Variants in DCC observed in about 807,000 individuals in gnomAD.
DCC encodes DCC netrin 1 receptor, also known as netrin receptor DCC.
Under a neutral mutation model 172.5 loss-of-function variants are expected in DCC, and 58 were observed. The observed-to-expected ratio is 0.34, with a 90% CI of 0.27 to 0.42. The LOEUF is 0.42. Among genes scored for constraint, DCC ranks in the 10% least tolerant of loss-of-function variants. The probability of loss-of-function intolerance (pLI) is 1.00; values close to 1 mark genes in which losing one functional copy is unlikely to be tolerated. For missense variants in DCC, 1,740 were observed against 1,791.0 expected (o/e 0.97, Z 0.51); for synonymous variants, 709 against 644.5 (o/e 1.10, Z -1.52).
chr18:53,035,580 GTC>G (rs1247569619), intron 5 of DCC, among the ~76,000 whole-genome samples: 2 of 151,998 alleles, frequency 1.3e-5, no homozygotes, highest in African/African-American at 4.8e-5. Flanking sequence ...AATAATATTT[GTC>G]TCTCAAATAT....
At position 53,232,246 on chromosome 18, in the gene DCC, A is replaced by T. The variant is rs980507043; in HGVS notation, c.1911+16649A>T. Among the ~76,000 whole-genome samples, 7 of 152,120 alleles carry T rather than the reference A, an allele frequency of 4.6e-5. No individual in the cohort carries two copies. In the East Asian group the frequency reaches 5.8e-4, roughly 13 times the overall value. The stretch of plus-strand genomic sequence containing the variant: ...AAGTAAAATATTCTTAGTTTCTACA[A>T]ATATTTCTCTTTGCTTGTCAGCTCC... On this transcript the variant is annotated intron_variant, in intron 12 of 28. Coordinates refer to ENST00000442544, the MANE Select transcript of DCC (RefSeq NM_005215.4).
At chr18:52,902,246 C>T (rs1260728146) in intron 2 of DCC, among the ~76,000 whole-genome samples, 1 of 152,122 alleles carries the variant, frequency 6.6e-6, no homozygotes, top group Non-Finnish European at 1.5e-5. Flanking sequence ...GGTTTTGGGG[C>T]AAAAGACAAT....
intron 1 of DCC, among the ~76,000 whole-genome samples, chr18:52,661,427 C>G (rs541044078): frequency 6.6e-6 from 1 of 152,028 alleles, no homozygotes; most frequent in Non-Finnish European, 1.5e-5. Context: ...GAGAGTGGGG[C>G]GAAAAATTGT....
chr18:53,296,712 T>C (rs1173212838), intron 12 of DCC, among the ~76,000 whole-genome samples: 1 of 152,190 alleles, frequency 6.6e-6, no homozygotes, highest in African/African-American at 2.4e-5. Context: ...GGGCACACTT[T>C]AATGAAAACC....
chr18:52,802,748 C>T (rs2038016874), intron 2 of DCC, among the ~76,000 whole-genome samples: 1 of 137,418 alleles, frequency 7.3e-6, no homozygotes, highest in Non-Finnish European at 1.5e-5. Context: ...TGAAGTCATC[C>T]TCTAGCCTCA....
At chr18:52,627,948 A>G (rs2034604218) in intron 1 of DCC, among the ~76,000 whole-genome samples, 1 of 152,032 alleles carries the variant, frequency 6.6e-6, no homozygotes, top group Non-Finnish European at 1.5e-5. Context: ...CTGTATGTTC[A>G]TGATTCTTTC....
chr18:53,431,047 T>C (rs1371469738), intron 21 of DCC, among the ~76,000 whole-genome samples: 1 of 152,124 alleles, frequency 6.6e-6, no homozygotes, highest in Non-Finnish European at 1.5e-5. Flanking sequence ...GAGAGGTATA[T>C]GAAATTTCTG....
chr18:52,867,004 T>A (rs560372393), intron 2 of DCC, among the ~76,000 whole-genome samples: 1 of 152,328 alleles, frequency 6.6e-6, no homozygotes, highest in Non-Finnish European at 1.5e-5. Flanking sequence ...CAGTATGATA[T>A]TGGCTGTGAG....
chr18:53,068,659 C>T (rs1380641970), intron 7 of DCC, among the ~76,000 whole-genome samples: 1 of 151,924 alleles, frequency 6.6e-6, no homozygotes, highest in East Asian at 1.9e-4. Context: ...TGTACCTGCT[C>T]ACAGGGAGGG....
At chr18:53,083,894 C>T (rs924893764) in intron 7 of DCC, among the ~76,000 whole-genome samples, 2 of 152,106 alleles carry the variant, frequency 1.3e-5, no homozygotes, top group Non-Finnish European at 2.9e-5. Flanking sequence ...AACATGAATG[C>T]GGTGGATTTT....
chr18:52,967,869 T>C (rs2040960886), intron 5 of DCC, among the ~76,000 whole-genome samples: 1 of 152,184 alleles, frequency 6.6e-6, no homozygotes, highest in African/African-American at 2.4e-5. Flanking sequence ...AAGTAAAAAT[T>C]AGATAATGTT....
rs771876514 is a variant in DCC, at chr18:53,307,897, GTATATATATATATATA to G, written c.2053+2216_2053+2231del. On this transcript the variant is annotated intron_variant, in intron 13 of 28. Coordinates refer to ENST00000442544, the MANE Select transcript of DCC (RefSeq NM_005215.4). ...CTTCTGGAAAGCAATGTGTGTGTAT[GTATATATATATATATA>G]TATATATATATATATATATATATAT... 4.6e-3 allele frequency among the ~76,000 whole-genome samples: 311 copies of G among 67,414 alleles called. 6 individuals are homozygous for G. Among genetic ancestry groups the G allele is most frequent in the Admixed American group, 7.3e-3 (47 of 6,396 alleles). 44.2% of individuals were successfully genotyped at this position (67,414 alleles called of 152,430 possible). A position where few individuals can be genotyped will look rare whatever the true frequency, so the allele number is the denominator to read the frequency against.
At chr18:52,580,899 T>C (rs960915364) in intron 1 of DCC, among the ~76,000 whole-genome samples, 1 of 152,224 alleles carries the variant, frequency 6.6e-6, no homozygotes, top group Non-Finnish European at 1.5e-5. Context: ...CAAGATTAGC[T>C]ATCAGTAGTC....
intron 15 of DCC, among the ~76,000 whole-genome samples, chr18:53,363,728 T>G (rs2057973125): frequency 6.6e-6 from 1 of 152,176 alleles, no homozygotes; most frequent in Non-Finnish European, 1.5e-5. Flanking sequence ...TGTGTACGAT[T>G]TGTTTTAGGT....
At chr18:52,683,689 C>A (rs1264245642) in intron 1 of DCC, among the ~76,000 whole-genome samples, 2 of 152,096 alleles carry the variant, frequency 1.3e-5, no homozygotes, top group African/African-American at 2.4e-5. Flanking sequence ...AGAAGCTTCA[C>A]TGATGGAAAG....
At chr18:52,929,631 A>AT (rs1009695018) in intron 5 of DCC, among the ~76,000 whole-genome samples, 21 of 151,942 alleles carry the variant, frequency 1.4e-4, no homozygotes, top group South Asian at 1.0e-3. Context: ...GGTATTGCTT[A>AT]TTTTTTTTAC....
chr18:52,935,591 G>A (rs113427987), intron 5 of DCC, among the ~76,000 whole-genome samples: 7,729 of 151,542 alleles, frequency 0.051, 269 homozygotes, highest in South Asian at 0.14. Context: ...TATTTTTTAC[G>A]GAACAATATG....
chr18:53,133,745 G>C (rs1018738124), intron 7 of DCC, among the ~76,000 whole-genome samples: 1 of 152,262 alleles, frequency 6.6e-6, no homozygotes, highest in East Asian at 1.9e-4. Context: ...GTGCTGAAAG[G>C]CTTGTTTATG....
chr18:52,647,858 A>C (rs2035048378), intron 1 of DCC, among the ~76,000 whole-genome samples: 1 of 152,182 alleles, frequency 6.6e-6, no homozygotes, highest in Admixed American at 6.5e-5. Flanking sequence ...TCTGGGGAGT[A>C]GAGTGTGTGC....
Sources: gnomAD v4.1 joint callset for allele counts (sites outside exome capture counted in the v4.1 genomes callset) on GRCh38, gnomAD v4.1.1 for gene constraint, MANE v1.5 for transcripts, NCBI Gene and HGNC (gene_info 2026-07-23, HGNC 2026-07-21) for gene names.